ADGRA3: variants seen among roughly 807,000 people sequenced by gnomAD.
The protein encoded by ADGRA3 is adhesion G protein-coupled receptor A3, also known as G-protein coupled receptor 125.
Under a neutral mutation model 119.8 loss-of-function variants are expected in ADGRA3, and 56 were observed. That is an observed-to-expected ratio of 0.47 (90% CI 0.38 to 0.58). ADGRA3 has a LOEUF of 0.58. ADGRA3 is among the 20% of genes least tolerant of loss of function. The probability of loss-of-function intolerance (pLI) is 0.00; values close to 1 mark genes in which losing one functional copy is unlikely to be tolerated. For synonymous variants in ADGRA3, 607 were observed against 623.8 expected, an observed-to-expected ratio of 0.97 and a Z score of 0.40; for missense variants, 1,516 against 1,649.0, an observed-to-expected ratio of 0.92 and a Z score of 1.40.
intron 3 of ADGRA3, among the ~76,000 whole-genome samples, chr4:22,460,561 T>C (rs999219077): frequency 1.3e-5 from 2 of 152,194 alleles, no homozygotes; most frequent in Non-Finnish European, 2.9e-5. Flanking sequence ...CTTCCCACAA[T>C]TTGCTTTCCC....
chr4:22,493,995 G>A (rs1718721102), intron 1 of ADGRA3, among the ~76,000 whole-genome samples: 1 of 151,956 alleles, frequency 6.6e-6, no homozygotes, highest in African/African-American at 2.4e-5. Flanking sequence ...ACAAGGTCAG[G>A]GGTTCGAGAC....
At chr4:22,428,877 G>A (rs1031361894) in intron 10 of ADGRA3, among the ~76,000 whole-genome samples, 2 of 152,100 alleles carry the variant, frequency 1.3e-5, no homozygotes, top group African/African-American at 4.8e-5. Context: ...TCAGGGTTAT[G>A]GCAAAGGTTA....
intron 10 of ADGRA3, among the ~76,000 whole-genome samples, chr4:22,429,552 C>A (rs1172951209): frequency 6.6e-6 from 1 of 152,106 alleles, no homozygotes; most frequent in African/African-American, 2.4e-5. Context: ...AAGGACACCA[C>A]CTCCAGCATC....
rs1282400692 is a variant in ADGRA3 at position 22,401,531 on chromosome 4, C to T, written c.2381G>A (p.Ser794Asn). Residue 794 changes from serine (S) to asparagine (N), a missense_variant, in exon 16 of 19, where the codon AGC (serine) becomes AAC (asparagine). Ser to Asn is a conservative substitution (Grantham distance 46). Coordinates refer to ENST00000334304, the MANE Select transcript of ADGRA3 (RefSeq NM_145290.4). ...GCACAAGTTCACAAGCATGTGCCAG[C>T]TCTTGAGGCTGATTCTAATCAAACT... ...HHSLIRISLK[S>N]WHMLVNLCFH... 6.2e-7 allele frequency: 1 copy of T among 1,606,570 alleles called. No individual in the cohort carries two copies. Among genetic ancestry groups the T allele is most frequent in the East Asian group, 2.2e-5 (1 of 44,684 alleles).
chr4:22,429,766 C>T (rs1716085339), intron 10 of ADGRA3, among the ~76,000 whole-genome samples: 1 of 152,156 alleles, frequency 6.6e-6, no homozygotes, highest in Non-Finnish European at 1.5e-5. Flanking sequence ...TAAAATGAGT[C>T]CCCCTACACT....
rs144560235 is a variant in ADGRA3, at chr4:22,411,435, C to A, written c.2232+1747G>T. Among the ~76,000 whole-genome samples, 1,155 of 152,100 alleles carry A rather than the reference C, an allele frequency of 7.6e-3. 20 individuals carry two copies. The highest frequency in any genetic ancestry group is 0.026 in the African/African-American group (1,090 of 41,478). ...GAAACATGGCAAAACCCAGTCTCTA[C>A]TAAAAATACAAAAATTAGCCGGGTT... On this transcript the variant is annotated intron_variant, in intron 14 of 18. Coordinates refer to ENST00000334304, the MANE Select transcript of ADGRA3 (RefSeq NM_145290.4).
intron 1 of ADGRA3, among the ~76,000 whole-genome samples, chr4:22,492,763 T>C (rs1232368440): frequency 2.0e-5 from 3 of 152,204 alleles, no homozygotes; most frequent in African/African-American, 7.2e-5. Context: ...AGGCATACAA[T>C]GTAATGAATT....
At chr4:22,449,765 G>C (rs911896708) in intron 4 of ADGRA3, among the ~76,000 whole-genome samples, 1 of 151,632 alleles carries the variant, frequency 6.6e-6, no homozygotes, top group Non-Finnish European at 1.5e-5. Flanking sequence ...GACACCTTAA[G>C]CCTAAGGCTA....
chr4:22,495,602 C>A lies in ADGRA3; in HGVS notation c.257+19926G>T, dbSNP rs982628231. Reference sequence around the variant, plus strand: ...AAAGTAATTGATCAGGAGTAAATTTCTTTTATAAAAGTATCAAAGTTATAG... The same window carrying A: ...AAAGTAATTGATCAGGAGTAAATTTATTTTATAAAAGTATCAAAGTTATAG... On this transcript the variant is annotated intron_variant, in intron 1 of 18. Transcript: ENST00000334304. Among the ~76,000 whole-genome samples the A allele has an allele frequency of 3.9e-5, 6 of 151,974 alleles. 1 individual carries two copies. The highest frequency in any genetic ancestry group is 2.0e-4 in the Admixed American group (3 of 15,276).
At chr4:22,449,136 G>A (rs1303764297) in intron 4 of ADGRA3, among the ~76,000 whole-genome samples, 1 of 151,806 alleles carries the variant, frequency 6.6e-6, no homozygotes, top group Non-Finnish European at 1.5e-5. Flanking sequence ...TGGGTGTGGT[G>A]GTGTGTGCTT....
chr4:22,460,235 C>T (rs1206621574), intron 3 of ADGRA3, among the ~76,000 whole-genome samples: 4 of 152,170 alleles, frequency 2.6e-5, no homozygotes, highest in Admixed American at 6.5e-5. Context: ...TGCGTTCAGA[C>T]GTATTTTCAC....
chr4:22,464,017 A>G (rs1054809517), intron 2 of ADGRA3, among the ~76,000 whole-genome samples: 12 of 152,204 alleles, frequency 7.9e-5, no homozygotes, highest in African/African-American at 2.9e-4. Flanking sequence ...TTTAACACAC[A>G]GGCACTCCTC....
At chr4:22,422,212 C>T (rs1265080626) in intron 11 of ADGRA3, among the ~76,000 whole-genome samples, 1 of 152,172 alleles carries the variant, frequency 6.6e-6, no homozygotes, top group Non-Finnish European at 1.5e-5. Context: ...GCCTATCCCA[C>T]AGGCAAGGCA....
chr4:22,437,639 A>ACTTT (rs1432436386), intron 8 of ADGRA3, among the ~76,000 whole-genome samples: 5 of 152,154 alleles, frequency 3.3e-5, no homozygotes, highest in African/African-American at 1.2e-4. Context: ...CAAATCCTAA[A>ACTTT]CTTTCTACTA....
chr4:22,388,526 T>A lies in ADGRA3; in HGVS notation c.3145A>T (p.Asn1049Tyr). ...SAFFVVHHCV[N>Y]REDVRLAWIM... ...CACGCAAGTCTAACATCCTCCCTAT[T>A]AACACAATGGTGGACCACGAAGAAC... Residue 1049 changes from asparagine (N) to tyrosine (Y), a missense_variant, in exon 19 of 19, where the codon AAT becomes TAT. Transcript: ENST00000334304. 6.2e-7 allele frequency: 1 copy of A among 1,614,048 alleles called. No individual in the cohort carries two copies. Among genetic ancestry groups the A allele is most frequent in the Non-Finnish European group, 8.5e-7 (1 of 1,179,988 alleles).
rs1189506217 is a variant in ADGRA3, at chr4:22,387,695, C to T, written c.*10G>A. The T allele has an allele frequency of 1.9e-6, 3 of 1,580,764 alleles. No individual in the cohort carries two copies. Among genetic ancestry groups the T allele is most frequent in the Non-Finnish European group, 2.6e-6 (3 of 1,162,316 alleles). The stretch of plus-strand genomic sequence containing the variant: ...TTTATATGAATTTCTGCCTAGGAAG[C>T]CCAGCAATGTTACACAGTAGTTTCG... On this transcript the variant is annotated 3_prime_UTR_variant, in exon 19 of 19. Transcript: ENST00000334304.
chr4:22,504,249 G>A (rs978329951), intron 1 of ADGRA3, among the ~76,000 whole-genome samples: 6 of 150,814 alleles, frequency 4.0e-5, no homozygotes, highest in African/African-American at 1.2e-4. Flanking sequence ...GAAAAAAAAA[G>A]ACAAAAAATG....
intron 1 of ADGRA3, among the ~76,000 whole-genome samples, chr4:22,485,126 C>T (rs1400582285): frequency 1.3e-5 from 2 of 152,092 alleles, no homozygotes; most frequent in South Asian, 2.1e-4. Context: ...CTGTCACCCA[C>T]GCCGGCGTGA....
rs992907784 is a variant in ADGRA3 at position 22,387,699 on chromosome 4, G to A, written c.*6C>T. The A allele has an allele frequency of 1.3e-6, 2 of 1,585,688 alleles. No homozygotes were observed. The highest frequency in any genetic ancestry group is 1.7e-6 in the Non-Finnish European group (2 of 1,164,358). On this transcript the variant is annotated 3_prime_UTR_variant, in exon 19 of 19. Transcript: ENST00000334304. ...TATGAATTTCTGCCTAGGAAGCCCA[G>A]CAATGTTACACAGTAGTTTCGTGTT...
Sources: allele counts gnomAD v4.1 joint callset (sites outside exome capture counted in the v4.1 genomes callset), GRCh38; gene constraint gnomAD v4.1.1; transcripts MANE v1.5; gene names NCBI Gene and HGNC (gene_info 2026-07-23, HGNC 2026-07-21).